The following ATP2B2 variants were observed in gnomAD, a reference collection of about 807,000 sequenced individuals.
ATP2B2 encodes plasma membrane calcium-transporting ATPase 2.
ATP2B2 carries 15 observed loss-of-function variants against 120.0 expected under a neutral mutation model. That is an observed-to-expected ratio of 0.12 (90% CI 0.08 to 0.19). ATP2B2 has a LOEUF of 0.19. ATP2B2 is among the 10% of genes least tolerant of loss of function. ATP2B2 has a pLI of 1.00. For synonymous variants in ATP2B2, 694 were observed against 700.3 expected (o/e 0.99, Z 0.14); for missense variants, 1,045 against 1,719.8 (o/e 0.61, Z 6.94).
chr3:10,409,467 A>T (rs2062532117), intron 3 of ATP2B2, among the ~76,000 whole-genome samples: 1 of 152,120 alleles, frequency 6.6e-6, no homozygotes, highest in South Asian at 2.1e-4. Context: ...GCTGCCAGGA[A>T]CCTCAAGTCA....
At chr3:10,405,299 G>T (rs1425403026) in intron 3 of ATP2B2, among the ~76,000 whole-genome samples, 1 of 152,138 alleles carries the variant, frequency 6.6e-6, no homozygotes, top group Non-Finnish European at 1.5e-5. Flanking sequence ...AGCCCTACCT[G>T]CTGCCCTTGC....
chr3:10,590,361 T>C (rs2068614438), intron 2 of ATP2B2, among the ~76,000 whole-genome samples: 1 of 152,240 alleles, frequency 6.6e-6, no homozygotes, highest in African/African-American at 2.4e-5. Context: ...TACAACTGTA[T>C]GCATTTGTCA....
rs1418402887 is a variant in ATP2B2, at chr3:10,561,806, G to T, written c.-414-27673C>A. ...TCCGCCATGATTGTGAGGCTTCCCA[G>T]TCATGTGGAACTGTAAGTCCATTAA... On this transcript the variant is annotated intron_variant, in intron 2 of 21. Coordinates refer to the ATP2B2 transcript ENST00000646379. 2.0e-5 allele frequency among the ~76,000 whole-genome samples: 3 copies of T among 152,182 alleles called. No homozygotes were observed. The East Asian group carries it at 5.8e-4, about 29-fold the overall frequency.
intron 2 of ATP2B2, among the ~76,000 whole-genome samples, chr3:10,589,449 C>T (rs2068591024): frequency 6.6e-6 from 1 of 152,238 alleles, no homozygotes; most frequent in African/African-American, 2.4e-5. Context: ...TGTTAGAACA[C>T]TGGAAGAGAT....
intron 22 of ATP2B2, chr3:10,336,226 G>C: frequency 6.4e-7 from 1 of 1,550,626 alleles, no homozygotes; most frequent in East Asian, 2.4e-5. Context: ...CCTGGCTCTG[G>C]CTGGTGACCG....
intron 1 of ATP2B2, among the ~76,000 whole-genome samples, chr3:10,632,970 G>A (rs1008739889): frequency 6.6e-6 from 1 of 152,254 alleles, no homozygotes; most frequent in East Asian, 1.9e-4. Flanking sequence ...AATGGAGGGG[G>A]GCACATCTCT....
At chr3:10,533,322 C>G (rs1342048046) in intron 3 of ATP2B2, among the ~76,000 whole-genome samples, 1 of 152,202 alleles carries the variant, frequency 6.6e-6, no homozygotes, top group Non-Finnish European at 1.5e-5. Context: ...CATCATGCAC[C>G]TAGAAGGTCT....
chr3:10,686,108 T>G (rs1279576263), intron 1 of ATP2B2, among the ~76,000 whole-genome samples: 1 of 149,962 alleles, frequency 6.7e-6, no homozygotes, highest in Non-Finnish European at 1.5e-5. Context: ...CCTAATGCCT[T>G]GTGGTTGCCC....
Position 10,488,511 on chromosome 3 carries a change from C to CTTCCTTCCTTCG in ATP2B2, c.-320+16953_-320+16954insCGAAGGAAGGAA, listed in dbSNP as rs1553616953. Among the ~76,000 whole-genome samples, 618 of 75,640 alleles carry CTTCCTTCCTTCG rather than the reference C, an allele frequency of 8.2e-3. 5 individuals are homozygous for CTTCCTTCCTTCG. Among genetic ancestry groups the CTTCCTTCCTTCG allele is most frequent in the East Asian group, 0.055 (132 of 2,398 alleles). 49.6% of individuals were successfully genotyped at this position (75,640 alleles called of 152,430 possible). ...CCTTCCTTCCTTCCTTCCTTCGTTC[C>CTTCCTTCCTTCG]TTCCTTCCTTCCTTCCTTCTTTCCT... On this transcript the variant is annotated intron_variant, in intron 1 of 22. Transcript: ENST00000360273.
chr3:10,689,632 T>C (rs2071608720), intron 1 of ATP2B2, among the ~76,000 whole-genome samples: 1 of 152,166 alleles, frequency 6.6e-6, no homozygotes, highest in South Asian at 2.1e-4. Context: ...AAGGGCCTCC[T>C]TTCTCTTAGC....
At chr3:10,627,323 G>T (rs2069731756) in intron 1 of ATP2B2, among the ~76,000 whole-genome samples, 1 of 152,220 alleles carries the variant, frequency 6.6e-6, no homozygotes. Flanking sequence ...ACCAGCTTAT[G>T]GAAAGGAGAG....
At chr3:10,597,063 CCA>C (rs58466640) in intron 2 of ATP2B2, among the ~76,000 whole-genome samples, 8,140 of 142,812 alleles carry the variant, frequency 0.057, 261 homozygotes, top group East Asian at 0.12. Context: ...ACACACAGGG[CCA>C]CACACACACA....
intron 2 of ATP2B2, among the ~76,000 whole-genome samples, chr3:10,444,622 C>G (rs2063776988): frequency 6.6e-6 from 1 of 152,212 alleles, no homozygotes. Flanking sequence ...CCCTTATCAA[C>G]CCCGCCAGGA....
At chr3:10,558,767 C>T (rs11917518) in intron 2 of ATP2B2, among the ~76,000 whole-genome samples, 24,457 of 147,168 alleles carry the variant, frequency 0.17, 2,064 homozygotes, top group East Asian at 0.28. Flanking sequence ...AAAGAAAGAA[C>T]GGAACTCAGA....
At chr3:10,394,866 GC>G (rs2061983015) in intron 5 of ATP2B2, among the ~76,000 whole-genome samples, 1 of 152,040 alleles carries the variant, frequency 6.6e-6, no homozygotes, top group Non-Finnish European at 1.5e-5. Context: ...CGCCATCCTG[GC>G]CCCCTGGCTC....
chr3:10,616,791 G>A (rs1287132083), intron 2 of ATP2B2, among the ~76,000 whole-genome samples: 4 of 152,032 alleles, frequency 2.6e-5, no homozygotes, highest in East Asian at 1.9e-4. Flanking sequence ...AATTTAGAAA[G>A]TGCAGAAAAG....
At chr3:10,637,752 T>A (rs1050833287) in intron 1 of ATP2B2, among the ~76,000 whole-genome samples, 6 of 151,984 alleles carry the variant, frequency 3.9e-5, no homozygotes, top group African/African-American at 9.7e-5. Context: ...GGCTGAAAAT[T>A]TTCCAAATTT....
intron 1 of ATP2B2, among the ~76,000 whole-genome samples, chr3:10,695,251 G>A (rs371126203): frequency 7.9e-6 from 1 of 126,908 alleles, no homozygotes. Flanking sequence ...AGGGAGGGAG[G>A]GAGAGAGAGA....
intron 1 of ATP2B2, among the ~76,000 whole-genome samples, chr3:10,470,125 C>A (rs2064921210): frequency 6.6e-6 from 1 of 152,044 alleles, no homozygotes; most frequent in African/African-American, 2.4e-5. Context: ...TGAAGTGACC[C>A]AGGGAGTTAT....
Sources: allele counts gnomAD v4.1 joint callset (sites outside exome capture counted in the v4.1 genomes callset), GRCh38; gene constraint gnomAD v4.1.1; transcripts MANE v1.5; gene names NCBI Gene and HGNC (gene_info 2026-07-23, HGNC 2026-07-21).